The following LRMDA variants were observed in gnomAD, a reference collection of about 807,000 sequenced individuals.
LRMDA encodes leucine rich melanocyte differentiation associated.
Under a neutral mutation model 29.8 loss-of-function variants are expected in LRMDA, and 18 were observed. That is an observed-to-expected ratio of 0.60 (90% confidence interval 0.42 to 0.90). The LOEUF (loss-of-function observed/expected upper bound fraction) is 0.90, where lower values mean the gene tolerates loss of function less well. Ranked by LOEUF, LRMDA falls within the 40% of genes least tolerant of loss-of-function variation. LRMDA has a pLI of 0.00. For missense variants in LRMDA, 273 were observed against 273.9 expected (o/e 1.00, Z 0.02); for synonymous variants, 125 against 109.4 (o/e 1.14, Z -0.89).
At chr10:76,553,746 C>T (rs950759281) in intron 6 of LRMDA, among the ~76,000 whole-genome samples, 13 of 152,140 alleles carry the variant, frequency 8.5e-5, no homozygotes, top group Admixed American at 8.5e-4. Flanking sequence ...TGGGAGGAGA[C>T]TCACAGAGGC....
chr10:75,502,957 C>G (rs187312152), intron 2 of LRMDA, among the ~76,000 whole-genome samples: 2 of 152,270 alleles, frequency 1.3e-5, no homozygotes, highest in East Asian at 3.9e-4. Flanking sequence ...GCACAGCCCA[C>G]ACCACCCTGT....
chr10:76,169,232 C>T (rs1850792316), intron 5 of LRMDA, among the ~76,000 whole-genome samples: 2 of 152,176 alleles, frequency 1.3e-5, no homozygotes, highest in African/African-American at 4.8e-5. Flanking sequence ...TACAACTAAC[C>T]ATTCATTCCA....
intron 5 of LRMDA, among the ~76,000 whole-genome samples, chr10:76,101,363 A>G (rs1005224933): frequency 1.3e-5 from 2 of 152,200 alleles, no homozygotes; most frequent in African/African-American, 4.8e-5. Flanking sequence ...CTAAATTTAC[A>G]TCTTTTGAAC....
At chr10:75,799,024 T>C (rs1344905592) in intron 2 of LRMDA, among the ~76,000 whole-genome samples, 1 of 152,234 alleles carries the variant, frequency 6.6e-6, no homozygotes, top group Non-Finnish European at 1.5e-5. Context: ...TTGGATATAG[T>C]GTTCTAAAAA....
In LRMDA at chr10:75,666,592, G is replaced by A. The variant is rs192656550; in HGVS notation, c.131+228098G>A. ...ACTAAATAGTTTGAAAAAAACAAAA[G>A]CTAATTCAAATGAAATTATATTTTA... On this transcript the variant is annotated intron_variant, in intron 2 of 6. Transcript: ENST00000611255. Among the ~76,000 whole-genome samples the A allele has an allele frequency of 9.6e-3, 1,458 of 152,124 alleles. 10 individuals are homozygous for A. Among genetic ancestry groups the A allele is most frequent in the Non-Finnish European group, 0.015 (992 of 67,972 alleles).
At chr10:75,733,935 G>C (rs1047004395) in intron 2 of LRMDA, among the ~76,000 whole-genome samples, 2 of 152,172 alleles carry the variant, frequency 1.3e-5, no homozygotes, top group Non-Finnish European at 2.9e-5. Context: ...AGCCTACTTG[G>C]AAATAGAGAA....
At chr10:76,312,937 A>T (rs188349521) in intron 5 of LRMDA, among the ~76,000 whole-genome samples, 2 of 152,242 alleles carry the variant, frequency 1.3e-5, no homozygotes, top group East Asian at 3.9e-4. Context: ...AAGAGATAAG[A>T]TATTAAACAA....
chr10:75,864,620 G>T (rs1393574262), intron 2 of LRMDA, among the ~76,000 whole-genome samples: 1 of 152,170 alleles, frequency 6.6e-6, no homozygotes, highest in Non-Finnish European at 1.5e-5. Flanking sequence ...TTTAATGGAA[G>T]CTACACTTTC....
In LRMDA at chr10:76,199,051, C is replaced by T. The variant is rs572872161; in HGVS notation, c.517-125350C>T. Among the ~76,000 whole-genome samples the T allele has an allele frequency of 2.0e-5, 3 of 152,134 alleles. No homozygotes were observed. The East Asian group carries it at 5.8e-4, about 29-fold the overall frequency. On this transcript the variant is annotated intron_variant, in intron 5 of 6. Transcript: ENST00000611255. ...AATAAAATAAATCTAGGCAGGTTAT[C>T]TAGTAAAATGACTAAGGTATAGGGT...
intron 2 of LRMDA, among the ~76,000 whole-genome samples, chr10:76,001,945 C>A (rs1835685928): frequency 6.6e-6 from 1 of 152,018 alleles, no homozygotes; most frequent in South Asian, 2.1e-4. Flanking sequence ...TGGAAGTGAC[C>A]CTGAGGGCTC....
At chr10:76,045,370 G>C (rs936090070) in intron 3 of LRMDA, among the ~76,000 whole-genome samples, 10 of 126,412 alleles carry the variant, frequency 7.9e-5, no homozygotes, top group Non-Finnish European at 7.9e-5. Context: ...TCTCCCTCTG[G>C]TTAGTTTCCT....
chr10:76,500,722 T>C (rs1842903145), intron 6 of LRMDA, among the ~76,000 whole-genome samples: 1 of 75,590 alleles, frequency 1.3e-5, no homozygotes, highest in East Asian at 2.5e-4. Flanking sequence ...ATATTAACTT[T>C]TAAAAACAGT....
intron 2 of LRMDA, among the ~76,000 whole-genome samples, chr10:75,923,884 G>A (rs1846071165): frequency 6.6e-6 from 1 of 152,148 alleles, no homozygotes; most frequent in African/African-American, 2.4e-5. Context: ...GGACCAGGAT[G>A]TAGGCCAAGT....
intron 5 of LRMDA, among the ~76,000 whole-genome samples, chr10:76,172,325 A>G (rs1850854169): frequency 6.6e-6 from 1 of 152,178 alleles, no homozygotes; most frequent in East Asian, 1.9e-4. Flanking sequence ...AGCACAGAAC[A>G]TTGATCCTCA....
At chr10:76,417,404 G>C (rs147187930) in intron 6 of LRMDA, among the ~76,000 whole-genome samples, 1 of 151,354 alleles carries the variant, frequency 6.6e-6, no homozygotes, top group African/African-American at 2.4e-5. Context: ...GAACTATGAC[G>C]TATCTATACA....
intron 5 of LRMDA, among the ~76,000 whole-genome samples, chr10:76,232,098 A>G (rs185949531): frequency 1.3e-5 from 2 of 152,340 alleles, no homozygotes; most frequent in African/African-American, 4.8e-5. Context: ...GTTCCTAGAA[A>G]TATCAAATAG....
intron 5 of LRMDA, among the ~76,000 whole-genome samples, chr10:76,181,687 T>C (rs2132208910): frequency 1.3e-5 from 2 of 152,300 alleles, no homozygotes; most frequent in South Asian, 4.1e-4. Context: ...ATGAAAATGG[T>C]CAATAAATCA....
intron 5 of LRMDA, among the ~76,000 whole-genome samples, chr10:76,099,496 GA>G (rs766922270): frequency 8.4e-5 from 12 of 143,504 alleles, no homozygotes; most frequent in Non-Finnish European, 1.7e-4. Context: ...TCTTAAGGTA[GA>G]AACCTAGATT....
chr10:75,473,077 C>T (rs965613413), intron 2 of LRMDA, among the ~76,000 whole-genome samples: 2 of 152,224 alleles, frequency 1.3e-5, no homozygotes, highest in Admixed American at 6.5e-5. Flanking sequence ...CTTCTTCCCC[C>T]ATGATGGACC....
Sources: gnomAD v4.1 joint callset for allele counts (sites outside exome capture counted in the v4.1 genomes callset) on GRCh38, gnomAD v4.1.1 for gene constraint, MANE v1.5 for transcripts, NCBI Gene and HGNC (gene_info 2026-07-23, HGNC 2026-07-21) for gene names.